GALNT15: variants seen among roughly 807,000 people sequenced by gnomAD.
GALNT15 encodes UDP-GalNAc transferase T15.
In GALNT15, 67 loss-of-function variants were observed where a neutral mutation model predicts 66.8. The ratio of observed to expected loss-of-function variants is 1.00; its 90% CI spans 0.82 to 1.23. GALNT15 has a LOEUF of 1.23. Ranked by LOEUF, GALNT15 falls within the 50% of genes most tolerant of loss-of-function variation. The probability of loss-of-function intolerance (pLI) is 0.00; values close to 1 mark genes in which losing one functional copy is unlikely to be tolerated. For synonymous variants in GALNT15, 313 were observed against 311.5 expected (o/e 1.00, Z -0.05); for missense variants, 827 against 804.3 (o/e 1.03, Z -0.34).
chr3:16,194,281 A>G (rs1056075555), intron 1 of GALNT15, among the ~76,000 whole-genome samples: 5 of 152,112 alleles, frequency 3.3e-5, no homozygotes, highest in African/African-American at 1.2e-4. Flanking sequence ...ACTCACAGAC[A>G]CTCCATCCTT....
At chr3:16,202,404 A>C (rs899629691) in intron 3 of GALNT15, among the ~76,000 whole-genome samples, 1 of 152,186 alleles carries the variant, frequency 6.6e-6, no homozygotes, top group Admixed American at 6.5e-5. Context: ...AGGCCGAGGC[A>C]GACGGATCAC....
rs558762465 is a variant in GALNT15, at chr3:16,181,789, C to T, written c.539+6099C>T. 2.5e-3 allele frequency among the ~76,000 whole-genome samples: 375 copies of T among 152,258 alleles called. 1 individual carries two copies. The highest frequency in any genetic ancestry group is 0.013 in the South Asian group (65 of 4,826). On this transcript the variant is annotated intron_variant, in intron 1 of 9. Transcript: ENST00000339732. This position sits in a 1 kb window ranked among gnomAD's most constrained non-coding sequence, Gnocchi z 5.9. ...AATTCCCCCCACAAGAGAGGGAAGA[C>T]AACCCAGTATGGGCAGTGTGAGTGG...
intron 3 of GALNT15, among the ~76,000 whole-genome samples, chr3:16,201,154 T>C (rs979333616): frequency 3.3e-5 from 5 of 150,204 alleles, no homozygotes; most frequent in Non-Finnish European, 5.9e-5. Flanking sequence ...TGGTGAAAAT[T>C]TGGCAATTTT....
Position 16,209,623 on chromosome 3 carries a change from A to C in GALNT15, c.1079+953A>C, listed in dbSNP as rs1471914690. ...ACTCGAGGCCAGGAGTTCGAGACCA[A>C]CCTGGCCATCATGGCGAAACCCCAT... On this transcript the variant is annotated intron_variant, in intron 4 of 9. Coordinates refer to ENST00000339732, the MANE Select transcript of GALNT15 (RefSeq NM_054110.5). The surrounding 1 kb of genome is among the most constrained non-coding windows in gnomAD (Gnocchi z 4.1). Among the ~76,000 whole-genome samples the C allele has an allele frequency of 6.6e-6, 1 of 152,078 alleles. No individual in the cohort carries two copies. The highest frequency in any genetic ancestry group is 1.5e-5 in the Non-Finnish European group (1 of 68,012).
chr3:16,219,514 AG>A lies in GALNT15; in HGVS notation c.1506del (p.Arg502SerfsTer69). On this transcript the variant is annotated frameshift_variant, in exon 7 of 10. Coordinates refer to ENST00000339732, the MANE Select transcript of GALNT15 (RefSeq NM_054110.5). LOFTEE classifies it high-confidence loss of function. This position sits in a 1 kb window ranked among gnomAD's most constrained non-coding sequence, Gnocchi z 4.3. ...VYPELYPSEP[R>X]PSFSGKLHNT... ...CCCTGAGCTGTACCCATCTGAACCC[AG>A]GCCCAGTTTCTCTGGAAAGGCAAGG... is the stretch of plus-strand genomic sequence containing the variant. 1 of 1,614,144 alleles carries A rather than the reference AG, an allele frequency of 6.2e-7. No homozygotes were observed. Among genetic ancestry groups the A allele is most frequent in the South Asian group, 1.1e-5 (1 of 91,068 alleles).
In GALNT15 at chr3:16,212,780, G is replaced by A; in HGVS notation, c.1392+17G>A. ...TTGAGCAAGGTAAGGAGAGAGCCAAGTGGGGCTTCTGTGTCCAGCACAGGG... is the reference window on the plus strand; with the variant it reads ...TTGAGCAAGGTAAGGAGAGAGCCAAATGGGGCTTCTGTGTCCAGCACAGGG... On this transcript the variant is annotated intron_variant, in intron 6 of 9. Transcript: ENST00000339732. The A allele has an allele frequency of 6.2e-7, 1 of 1,608,258 alleles. No homozygotes were observed. The highest frequency in any genetic ancestry group is 8.5e-7 in the Non-Finnish European group (1 of 1,176,952).
At chr3:16,220,320 C>T in intron 8 of GALNT15, 1 of 363,298 alleles carries the variant, frequency 2.8e-6, no homozygotes, top group Non-Finnish European at 5.2e-6. Context: ...GTCACTAGCC[C>T]AGGGATTGCA....
rs762247025 is a variant in GALNT15, at chr3:16,200,596, G to C, written c.707-23G>C. The C allele has an allele frequency of 6.1e-6, 9 of 1,485,074 alleles. No individual in the cohort carries two copies. Among genetic ancestry groups the C allele is most frequent in the Non-Finnish European group, 7.2e-6 (8 of 1,113,712 alleles). The allele number at this position is 1,485,074 out of a possible 1,614,324, so 92.0% of individuals were successfully genotyped here. A position where few individuals can be genotyped will look rare whatever the true frequency, so the allele number is the denominator to read the frequency against. On this transcript the variant is annotated intron_variant, in intron 2 of 9. Coordinates refer to ENST00000339732, the MANE Select transcript of GALNT15 (RefSeq NM_054110.5). This position sits in a 1 kb window ranked among gnomAD's most constrained non-coding sequence, Gnocchi z 4.4. Reference sequence around the variant, plus strand: ...CGGTTGTGGCATTTGTCATTCCACTGACCACAACCCTGTTGATTCCAGGAC... The same window carrying C: ...CGGTTGTGGCATTTGTCATTCCACTCACCACAACCCTGTTGATTCCAGGAC...
chr3:16,193,787 C>G lies in GALNT15; in HGVS notation c.540-1973C>G, dbSNP rs2063604409. 6.6e-6 allele frequency among the ~76,000 whole-genome samples: 1 copy of G among 152,192 alleles called. No homozygotes were observed. The highest frequency in any genetic ancestry group is 1.5e-5 in the Non-Finnish European group (1 of 68,038). On this transcript the variant is annotated intron_variant, in intron 1 of 9. Transcript: ENST00000339732. This position sits in a 1 kb window ranked among gnomAD's most constrained non-coding sequence, Gnocchi z 4.7. ...CCGAAGTTTGGGGTCCTTGAGATGG[C>G]TCCTATTCAAATGTCCCTCTGAGGA...
At chr3:16,210,779 A>G (rs1312746324) in intron 4 of GALNT15, among the ~76,000 whole-genome samples, 1 of 152,190 alleles carries the variant, frequency 6.6e-6, no homozygotes, top group African/African-American at 2.4e-5. Context: ...CCTCTCTTAG[A>G]GTACCTGATT....
At chr3:16,232,030 C>A, downstream of GALNT15, 1 of 1,326,276 alleles carries the variant, frequency 7.5e-7, no homozygotes, top group Non-Finnish European at 1.0e-6. Flanking sequence ...CCAGATGCAC[C>A]AATGCAGAAA....
the GALNT15 span, among the ~76,000 whole-genome samples, chr3:16,245,583 T>G: frequency 9.2e-5 from 14 of 152,226 alleles, no homozygotes; most frequent in African/African-American, 3.1e-4. Flanking sequence ...AACATTTTGA[T>G]GGCATGTGAC....
chr3:16,211,124 G>A lies in GALNT15; in HGVS notation c.1080G>A (p.Arg360=), dbSNP rs2063809501. 6.2e-7 allele frequency: 1 copy of A among 1,609,714 alleles called. No individual in the cohort carries two copies. ...TGTCCTGCCTGTCTTCTGTGTCCAG[G>A]AGCCCTGTGGTGCCCGGAGAGGTGG... is the stretch of plus-strand genomic sequence containing the variant. The part of the protein sequence containing the change: ...KALQSPISPI[R]SPVVPGEVVA... The change falls in exon 5 of 10, where the codon AGG becomes AGA. Residue 360 remains arginine, a splice_region_variant and synonymous_variant. Transcript: ENST00000339732. This position sits in a 1 kb window ranked among gnomAD's most constrained non-coding sequence, Gnocchi z 4.3.
chr3:16,212,478 A>G, intron 5 of GALNT15, 91 bp from the exon 6 acceptor site: 1 of 1,197,480 alleles, frequency 8.4e-7, no homozygotes, highest in Non-Finnish European at 1.2e-6. Context: ...TTTCCTGTGC[A>G]TTTTGCCAGC....
At chr3:16,206,445 T>A (rs1346674955) in intron 3 of GALNT15, among the ~76,000 whole-genome samples, 1 of 147,988 alleles carries the variant, frequency 6.8e-6, no homozygotes, top group African/African-American at 2.5e-5. Flanking sequence ...GAGGCTGAGG[T>A]TGGGGGATCA....
At chr3:16,206,198 C>A (rs186626949) in intron 3 of GALNT15, among the ~76,000 whole-genome samples, 1 of 151,756 alleles carries the variant, frequency 6.6e-6, no homozygotes, top group Non-Finnish European at 1.5e-5. Context: ...AACAACATGG[C>A]GAAATCCCAT....
chr3:16,217,598 C>T (rs1237399775), intron 6 of GALNT15, among the ~76,000 whole-genome samples: 1 of 152,186 alleles, frequency 6.6e-6, no homozygotes, highest in Non-Finnish European at 1.5e-5. Flanking sequence ...ATCCTGGGCA[C>T]CCAAAAGACA....
rs2063790894 is a variant in GALNT15, at chr3:16,209,574, T to G, written c.1079+904T>G. Among the ~76,000 whole-genome samples, 1 of 152,090 alleles carries G rather than the reference T, an allele frequency of 6.6e-6. No individual in the cohort carries two copies. Among genetic ancestry groups the G allele is most frequent in the Non-Finnish European group, 1.5e-5 (1 of 68,018 alleles). On this transcript the variant is annotated intron_variant, in intron 4 of 9. Coordinates refer to ENST00000339732, the MANE Select transcript of GALNT15 (RefSeq NM_054110.5). The surrounding 1 kb of genome is among the most constrained non-coding windows in gnomAD (Gnocchi z 4.1). ...GACTCATGCCTGTAATCCTAGCACT[T>G]TGGGAGGCAGAGGCGGGCTGATCAC...
intron 9 of GALNT15, among the ~76,000 whole-genome samples, chr3:16,223,360 G>A (rs765883567): frequency 5.9e-5 from 9 of 152,146 alleles, no homozygotes; most frequent in Admixed American, 2.6e-4. Context: ...ATACAGAATC[G>A]GGATCGGAAG....
Sources: allele counts gnomAD v4.1 joint callset (sites outside exome capture counted in the v4.1 genomes callset), GRCh38; gene constraint gnomAD v4.1.1; non-coding constraint Gnocchi (gnomAD v3.1); transcripts MANE v1.5; gene names NCBI Gene and HGNC (gene_info 2026-07-23, HGNC 2026-07-21).